RAB37: variants seen among roughly 807,000 people sequenced by gnomAD.
RAB37 encodes the protein ras-related protein Rab-37.
In RAB37, 29 loss-of-function variants were observed where a neutral mutation model predicts 33.1. The ratio of observed to expected loss-of-function variants is 0.88; its 90% CI spans 0.65 to 1.20. The LOEUF (loss-of-function observed/expected upper bound fraction) is 1.20. RAB37 is among the 50% of genes most tolerant of loss of function. RAB37 has a pLI of 0.00. For synonymous variants in RAB37, 128 were observed against 119.5 expected, an observed-to-expected ratio of 1.07 and a Z score of -0.47; for missense variants, 299 against 301.1, an observed-to-expected ratio of 0.99 and a Z score of 0.05.
chr17:74,707,377 T>C (rs1475488431), intron 1 of RAB37, among the ~76,000 whole-genome samples: 2 of 152,238 alleles, frequency 1.3e-5, no homozygotes, highest in Admixed American at 1.3e-4. Context: ...AACAGATCTA[T>C]TTTTAAATGC....
At chr17:74,673,125 C>G (rs974281429) in intron 1 of RAB37, 11 of 152,224 alleles carry the variant, frequency 7.2e-5, no homozygotes, top group Non-Finnish European at 1.3e-4. Flanking sequence ...GCATGCAAGG[C>G]CAGGCATGGT....
In RAB37 at chr17:74,744,745, C is replaced by A; in HGVS notation, c.433-128C>A. 2 of 1,110,524 alleles carry A rather than the reference C, an allele frequency of 1.8e-6. No individual in the cohort carries two copies. The highest frequency in any genetic ancestry group is 1.5e-5 in the African/African-American group (1 of 65,180). 68.8% of individuals were successfully genotyped at this position (1,110,524 alleles called of 1,614,324 possible). A position where few individuals can be genotyped will look rare whatever the true frequency, so the allele number is the denominator to read the frequency against. On this transcript the variant is annotated intron_variant, in intron 6 of 8. Transcript: ENST00000392613. The surrounding 1 kb of genome is among the most constrained non-coding windows in gnomAD (Gnocchi z 4.2). ...ACTGGGCAGAAACCCTGGCCCCAGG[C>A]CAATCACACCTGCCTGCAGTCCCTT...
chr17:74,731,860 G>A (rs1006611399), intron 2 of RAB37, among the ~76,000 whole-genome samples: 4 of 151,760 alleles, frequency 2.6e-5, no homozygotes, highest in Admixed American at 1.3e-4. Context: ...ATACAAAAAC[G>A]TTTGCCAGGC....
At chr17:74,736,791 A>T, upstream of RAB37, 1 of 1,535,570 alleles carries the variant, frequency 6.5e-7, no homozygotes, top group East Asian at 2.4e-5. Context: ...GTGACTTAAC[A>T]GATGAGGAAG....
chr17:74,723,809 C>T (rs1379576624), intron 1 of RAB37, among the ~76,000 whole-genome samples: 1 of 151,920 alleles, frequency 6.6e-6, no homozygotes, highest in African/African-American at 2.4e-5. Context: ...CTCCTGACCT[C>T]GTGATCCACT....
At position 74,744,491 on chromosome 17, in the gene RAB37, C is replaced by G; in HGVS notation, c.432+118C>G. The stretch of plus-strand genomic sequence containing the variant: ...TTCCTGAAAAGGACTCTGCAGCCTC[C>G]AGCTCAGGGGTCAGACATATCTGGA... On this transcript the variant is annotated intron_variant, in intron 6 of 8. Transcript: ENST00000392613. This position sits in a 1 kb window ranked among gnomAD's most constrained non-coding sequence, Gnocchi z 4.2. 1.0e-6 allele frequency: 1 copy of G among 958,792 alleles called. No individual in the cohort carries two copies. Among genetic ancestry groups the G allele is most frequent in the Admixed American group, 2.0e-5 (1 of 50,750 alleles). The allele number at this position is 958,792 out of a possible 1,614,324, so 59.4% of individuals were successfully genotyped here.
Position 74,742,158 on chromosome 17 carries a change from C to T in RAB37, c.205-96C>T. ...AGACGGTTCTGGGGCTCACTGCACC[C>T]ACTCTAGGCCTGGAGAGGGAACAAG... On this transcript the variant is annotated intron_variant, in intron 2 of 8. Coordinates refer to ENST00000392613, the MANE Select transcript of RAB37 (RefSeq NM_001006638.3). The surrounding 1 kb of genome is among the most constrained non-coding windows in gnomAD (Gnocchi z 4.0). The T allele has an allele frequency of 6.7e-7, 1 of 1,487,092 alleles. No individual in the cohort carries two copies. The highest frequency in any genetic ancestry group is 2.1e-5 in the Admixed American group (1 of 48,112). 92.1% of individuals were successfully genotyped at this position (1,487,092 alleles called of 1,614,324 possible). A position where few individuals can be genotyped will look rare whatever the true frequency, so the allele number is the denominator to read the frequency against.
At chr17:74,725,854 G>A (rs2034299856) in intron 1 of RAB37, among the ~76,000 whole-genome samples, 2 of 152,050 alleles carry the variant, frequency 1.3e-5, no homozygotes, top group Admixed American at 1.3e-4. Context: ...GACTTCAGGT[G>A]ATCTGCCCAT....
At chr17:74,703,173 A>G in intron 1 of RAB37, 1 of 1,583,924 alleles carries the variant, frequency 6.3e-7, no homozygotes, top group Non-Finnish European at 8.7e-7. Flanking sequence ...TATAAACCAG[A>G]TCACAGATGC....
chr17:74,705,222 T>C (rs2033410885), intron 1 of RAB37: 2 of 702,506 alleles, frequency 2.8e-6, no homozygotes, highest in East Asian at 2.7e-5. Flanking sequence ...TTAGCACTGA[T>C]GACCCTCATG....
At chr17:74,735,021 G>GAAAA (rs1213082339), upstream of RAB37, among the ~76,000 whole-genome samples, 2 of 45,096 alleles carry the variant, frequency 4.4e-5, no homozygotes, top group African/African-American at 8.1e-5. Flanking sequence ...AAGGAAGGAA[G>GAAAA]AAAGAAAGAA....
At chr17:74,706,806 T>G (rs2033559051) in intron 1 of RAB37, among the ~76,000 whole-genome samples, 1 of 152,132 alleles carries the variant, frequency 6.6e-6, no homozygotes, top group African/African-American at 2.4e-5. Context: ...AGGGTATCCA[T>G]GCGAAGGCAC....
rs1054629872 is a variant in RAB37 at position 74,745,723 on chromosome 17, C to A, written c.*312C>A. The A allele has an allele frequency of 1.4e-5, 4 of 295,498 alleles. No homozygotes were observed. The highest frequency in any genetic ancestry group is 2.6e-5 in the Non-Finnish European group (4 of 156,520). 18.3% of individuals were successfully genotyped at this position (295,498 alleles called of 1,614,324 possible). On this transcript the variant is annotated 3_prime_UTR_variant, in exon 9 of 9. Coordinates refer to ENST00000392613, the MANE Select transcript of RAB37 (RefSeq NM_001006638.3). This position sits in a 1 kb window ranked among gnomAD's most constrained non-coding sequence, Gnocchi z 4.5. ...TTTTGCTTTCTAGGACTTGGGGGGC[C>A]GGCCCTCCCTCCTAAGCATAACAAA...
In RAB37 at chr17:74,745,020, C is replaced by T. The variant is rs751557494; in HGVS notation, c.502C>T (p.Pro168Ser). Residue 168 changes from proline to serine, a missense_variant, in exon 8 of 9, where the codon CCC (proline) becomes TCC (serine). Coordinates refer to ENST00000392613, the MANE Select transcript of RAB37 (RefSeq NM_001006638.3). This position sits in a 1 kb window ranked among gnomAD's most constrained non-coding sequence, Gnocchi z 4.5. ...CTCTCCCGGGCAGGAGTACGGTGTTCCCTTCCTGGAGACCAGCGCCAAGAC... is the reference window on the plus strand; with the variant it reads ...CTCTCCCGGGCAGGAGTACGGTGTTTCCTTCCTGGAGACCAGCGCCAAGAC... ...GETLAREYGV[P>S]FLETSAKTGM... 1 of 1,614,240 alleles carries T rather than the reference C, an allele frequency of 6.2e-7. No homozygotes were observed. Among genetic ancestry groups the T allele is most frequent in the Non-Finnish European group, 8.5e-7 (1 of 1,180,040 alleles).
upstream of RAB37, among the ~76,000 whole-genome samples, chr17:74,734,950 G>GAA (rs1567812297): frequency 9.3e-6 from 1 of 107,532 alleles, no homozygotes; most frequent in East Asian, 2.6e-4. Flanking sequence ...GAAAGAAAGA[G>GAA]AGAAAGAAGA....
chr17:74,694,584 A>G (rs2032255435), intron 1 of RAB37: 1 of 152,268 alleles, frequency 6.6e-6, no homozygotes, highest in African/African-American at 2.4e-5. Context: ...CCTTGTGGTG[A>G]TATTTTGGGC....
chr17:74,703,352 C>T (rs1048384698), intron 1 of RAB37, among the ~76,000 whole-genome samples: 12 of 152,172 alleles, frequency 7.9e-5, no homozygotes, highest in South Asian at 6.2e-4. Flanking sequence ...CCAGGGAGGA[C>T]GCTGAGCTGG....
At chr17:74,711,323 C>T (rs1344346092) in intron 1 of RAB37, among the ~76,000 whole-genome samples, 1 of 152,194 alleles carries the variant, frequency 6.6e-6, no homozygotes, top group Non-Finnish European at 1.5e-5. Flanking sequence ...ACGACTCTCA[C>T]ATCTGCTCAC....
chr17:74,694,925 G>A (rs1018337187), intron 1 of RAB37: 4 of 599,900 alleles, frequency 6.7e-6, no homozygotes, highest in Non-Finnish European at 8.4e-6. Context: ...ACTCCTAGAA[G>A]CCCCCTGAGA....
Sources: allele counts gnomAD v4.1 joint callset (sites outside exome capture counted in the v4.1 genomes callset), GRCh38; gene constraint gnomAD v4.1.1; non-coding constraint Gnocchi (gnomAD v3.1); transcripts MANE v1.5; gene names NCBI Gene and HGNC (gene_info 2026-07-23, HGNC 2026-07-21).